ITSN1: variants seen among roughly 807,000 people sequenced by gnomAD.
The protein encoded by ITSN1 is intersectin 1.
Under a neutral mutation model 239.8 loss-of-function variants are expected in ITSN1, and 58 were observed. The observed-to-expected ratio is 0.24, with a 90% CI of 0.20 to 0.30. The LOEUF (loss-of-function observed/expected upper bound fraction) is 0.30. Among genes scored for constraint, ITSN1 ranks in the 10% least tolerant of loss-of-function variants. ITSN1 has a pLI of 1.00. For missense variants in ITSN1, 1,558 were observed against 2,103.3 expected, an observed-to-expected ratio of 0.74 and a Z score of 5.07; for synonymous variants, 780 against 770.8, an observed-to-expected ratio of 1.01 and a Z score of -0.20.
At chr21:33,672,211 C>CT (rs1367390147) in intron 1 of ITSN1, among the ~76,000 whole-genome samples, 1 of 150,698 alleles carries the variant, frequency 6.6e-6, no homozygotes, top group Non-Finnish European at 1.5e-5. Context: ...GAGCGAAACT[C>CT]TGTCTAAAAA....
intron 1 of ITSN1, among the ~76,000 whole-genome samples, chr21:33,657,917 T>A (rs1051736507): frequency 2.6e-5 from 4 of 152,112 alleles, no homozygotes; most frequent in Admixed American, 6.6e-5. Context: ...GCCCAGGAAT[T>A]TGAGGTTACA....
chr21:33,730,992 A>G (rs2066149463), intron 4 of ITSN1, among the ~76,000 whole-genome samples: 1 of 152,206 alleles, frequency 6.6e-6, no homozygotes, highest in African/African-American at 2.4e-5. Flanking sequence ...CACCGCGCCC[A>G]GCCGTAACTA....
intron 29 of ITSN1, among the ~76,000 whole-genome samples, chr21:33,846,405 TC>T (rs1204047343): frequency 6.6e-6 from 1 of 152,188 alleles, no homozygotes; most frequent in Non-Finnish European, 1.5e-5. Context: ...TACTCTTACC[TC>T]CCCAGTTAGA....
At position 33,826,862 on chromosome 21, in the gene ITSN1, T is replaced by C; in HGVS notation, c.3228T>C (p.Pro1076=). 6.2e-7 allele frequency: 1 copy of C among 1,613,136 alleles called. No individual in the cohort carries two copies. The highest frequency in any genetic ancestry group is 8.5e-7 in the Non-Finnish European group (1 of 1,179,076). The change falls in exon 26 of 40, where the codon CCT becomes CCC. Residue 1076 remains proline (P), a splice_region_variant and synonymous_variant. Coordinates refer to ENST00000381318, the MANE Select transcript of ITSN1 (RefSeq NM_003024.3). ...AGKTGSLGKK[P]EIAQVIASYT... is the part of the protein sequence containing the mutation. ...AAACAGGGAGTTTAGGAAAAAAACC[T>C]GGTAAGTTACAAACCCTGATGCTTA...
At position 33,720,544 on chromosome 21, in the gene ITSN1, A is replaced by G. The variant is rs376041619; in HGVS notation, c.29-634A>G. Among the ~76,000 whole-genome samples the G allele has an allele frequency of 1.5e-4, 23 of 152,288 alleles. No homozygotes were observed. In the East Asian group the frequency reaches 4.0e-3, roughly 27 times the overall value. ...CCATTCTCTTTGGCTATTATTTCAT[A>G]TCAGGACATCCCCTGCCCTTCTTTT... On this transcript the variant is annotated intron_variant, in intron 2 of 39. Coordinates refer to ENST00000381318, the MANE Select transcript of ITSN1 (RefSeq NM_003024.3).
At chr21:33,754,335 A>T (rs982424486) in intron 7 of ITSN1, 2 of 152,246 alleles carry the variant, frequency 1.3e-5, no homozygotes, top group African/African-American at 4.8e-5. Context: ...TAATAGATAT[A>T]AGTGCATAGA....
At chr21:33,829,563 C>A in intron 26 of ITSN1, 61 bp from the exon 27 acceptor site, 5 of 1,589,750 alleles carry the variant, frequency 3.1e-6, no homozygotes, top group Non-Finnish European at 3.4e-6. Flanking sequence ...CCTGCATCTT[C>A]TTGGCCTTTT....
At chr21:33,749,455 C>T (rs771473391) in intron 5 of ITSN1, among the ~76,000 whole-genome samples, 1 of 151,918 alleles carries the variant, frequency 6.6e-6, no homozygotes, top group Non-Finnish European at 1.5e-5. Flanking sequence ...CCATCCTGGC[C>T]AACATGGTGA....
intron 33 of ITSN1, among the ~76,000 whole-genome samples, chr21:33,872,679 G>A (rs1982957085): frequency 6.6e-6 from 1 of 152,114 alleles, no homozygotes; most frequent in Non-Finnish European, 1.5e-5. Context: ...CCACAGGCAG[G>A]TACAATCACG....
chr21:33,737,583 A>C (rs1448815018), intron 5 of ITSN1, among the ~76,000 whole-genome samples: 1 of 151,900 alleles, frequency 6.6e-6, no homozygotes, highest in Non-Finnish European at 1.5e-5. Flanking sequence ...TTATTTATTT[A>C]TTTATTTTGA....
chr21:33,675,470 G>A (rs924943540), intron 1 of ITSN1, among the ~76,000 whole-genome samples: 1 of 152,190 alleles, frequency 6.6e-6, no homozygotes, highest in Non-Finnish European at 1.5e-5. Flanking sequence ...GGGAGGCTGA[G>A]GTGGGAGAAT....
At chr21:33,674,910 C>T (rs192471925) in intron 1 of ITSN1, among the ~76,000 whole-genome samples, 1 of 151,878 alleles carries the variant, frequency 6.6e-6, no homozygotes, top group African/African-American at 2.4e-5. Flanking sequence ...TTTGTTTTGC[C>T]ATGAAATAAA....
intron 11 of ITSN1, among the ~76,000 whole-genome samples, chr21:33,769,293 T>C (rs997788820): frequency 1.3e-5 from 2 of 152,246 alleles, no homozygotes; most frequent in African/African-American, 4.8e-5. Flanking sequence ...ATTTCATTTG[T>C]GCATTCATTC....
intron 20 of ITSN1, among the ~76,000 whole-genome samples, chr21:33,803,147 G>A (rs2072137639): frequency 6.6e-6 from 1 of 152,208 alleles, no homozygotes; most frequent in South Asian, 2.1e-4. Context: ...TGTCAAATGA[G>A]CAAGTTTAAA....
chr21:33,708,675 C>T (rs1040214239), intron 1 of ITSN1, among the ~76,000 whole-genome samples: 10 of 152,178 alleles, frequency 6.6e-5, no homozygotes, highest in South Asian at 2.1e-4. Context: ...CGTGAGCCAC[C>T]GCACCCGGCC....
At chr21:33,848,974 C>T (rs1232731838) in intron 29 of ITSN1, among the ~76,000 whole-genome samples, 1 of 152,288 alleles carries the variant, frequency 6.6e-6, no homozygotes, top group African/African-American at 2.4e-5. Context: ...AGTGTGGTGG[C>T]TCACGCCTGT....
At chr21:33,688,378 C>G (rs1179939485) in intron 1 of ITSN1, among the ~76,000 whole-genome samples, 1 of 152,136 alleles carries the variant, frequency 6.6e-6, no homozygotes, top group African/African-American at 2.4e-5. Context: ...GAATAGAAAA[C>G]ACTCCTTGTT....
At chr21:33,818,642 A>G (rs2073447662) in intron 23 of ITSN1, among the ~76,000 whole-genome samples, 170 bp downstream of exon 23, 1 of 152,224 alleles carries the variant, frequency 6.6e-6, no homozygotes, top group Non-Finnish European at 1.5e-5. Context: ...CCTCTTATAG[A>G]TAAGTGCATT....
chr21:33,704,531 C>G (rs536422579), intron 1 of ITSN1, among the ~76,000 whole-genome samples: 1 of 152,120 alleles, frequency 6.6e-6, no homozygotes, highest in Non-Finnish European at 1.5e-5. Context: ...GTGTTTTAGT[C>G]TCTGGAAGAG....
Sources: gnomAD v4.1 joint callset for allele counts (sites outside exome capture counted in the v4.1 genomes callset) on GRCh38, gnomAD v4.1.1 for gene constraint, MANE v1.5 for transcripts, NCBI Gene and HGNC (gene_info 2026-07-23, HGNC 2026-07-21) for gene names.